Variants in MTUS2 observed in about 807,000 individuals in gnomAD.
MTUS2 encodes microtubule-associated tumor suppressor candidate 2.
Under a neutral mutation model 114.1 loss-of-function variants are expected in MTUS2, and 40 were observed. That is an observed-to-expected ratio of 0.35 (90% CI 0.27 to 0.46). The LOEUF is 0.46. Among genes scored for constraint, MTUS2 ranks in the 20% least tolerant of loss-of-function variants. The pLI is 1.00. For missense variants in MTUS2, 1,679 were observed against 1,705.4 expected (o/e 0.98, Z 0.27); for synonymous variants, 688 against 672.0 (o/e 1.02, Z -0.37).
chr13:28,878,275 ATGTG>A (rs10589848), intron 2 of MTUS2, among the ~76,000 whole-genome samples: 6,450 of 151,712 alleles, frequency 0.043, 459 homozygotes, highest in African/African-American at 0.15. Context: ...ATGTGTATAT[ATGTG>A]TGTGTATGTG....
chr13:29,251,523 G>T (rs768323807), intron 5 of MTUS2, among the ~76,000 whole-genome samples: 40 of 152,000 alleles, frequency 2.6e-4, no homozygotes. Flanking sequence ...CTACCTCGAC[G>T]TTCTCATCAT....
intron 8 of MTUS2, among the ~76,000 whole-genome samples, chr13:29,418,560 G>A (rs1875846877): frequency 6.6e-6 from 1 of 152,158 alleles, no homozygotes; most frequent in Non-Finnish European, 1.5e-5. Context: ...AGATTATTCA[G>A]ATTGCTGTTT....
At chr13:29,444,891 C>T (rs916393905) in intron 9 of MTUS2, among the ~76,000 whole-genome samples, 2 of 152,268 alleles carry the variant, frequency 1.3e-5, no homozygotes, top group Non-Finnish European at 2.9e-5. Context: ...TCACTCCCGC[C>T]TCCTTCCTTT....
In MTUS2 at chr13:29,114,055, C is replaced by T. The variant is rs1308595364; in HGVS notation, c.2644+13085C>T. Among the ~76,000 whole-genome samples the T allele has an allele frequency of 2.6e-5, 4 of 152,280 alleles. No individual in the cohort carries two copies. In the South Asian group the frequency reaches 8.3e-4, roughly 32 times the overall value. On this transcript the variant is annotated intron_variant, in intron 5 of 15. Transcript: ENST00000612955. Reference sequence around the variant, plus strand: ...CGGACTGTGTGAGATACCTGCTCCCCCTTCACCTTCTGCCATGATTGGAAG... The same window carrying T: ...CGGACTGTGTGAGATACCTGCTCCCTCTTCACCTTCTGCCATGATTGGAAG...
intron 8 of MTUS2, among the ~76,000 whole-genome samples, chr13:29,397,496 C>T (rs1479449725): frequency 2.6e-5 from 4 of 152,170 alleles, no homozygotes; most frequent in African/African-American, 7.2e-5. Flanking sequence ...TGTCTGGGAA[C>T]GTTTTGGAAA....
chr13:28,823,123 A>G lies in MTUS2; in HGVS notation c.-316+2512A>G, dbSNP rs540967638. Among the ~76,000 whole-genome samples the G allele has an allele frequency of 2.2e-4, 33 of 152,358 alleles. No individual in the cohort carries two copies. The South Asian group carries it at 6.0e-3, about 28-fold the overall frequency. Reference sequence around the variant, plus strand: ...TGCCAAGGGGAAAGGAAGGAAAACTATTGAAAGATGCTTCATTAATAAAAT... The same window carrying G: ...TGCCAAGGGGAAAGGAAGGAAAACTGTTGAAAGATGCTTCATTAATAAAAT... On this transcript the variant is annotated intron_variant, in intron 1 of 15. Coordinates refer to ENST00000612955, the MANE Select transcript of MTUS2 (RefSeq NM_001033602.4).
chr13:28,964,831 C>T (rs554811178), intron 2 of MTUS2, among the ~76,000 whole-genome samples: 3 of 151,246 alleles, frequency 2.0e-5, no homozygotes, highest in East Asian at 2.0e-4. Flanking sequence ...TGGCCTTTCT[C>T]GATTGCACAT....
chr13:29,263,921 C>T (rs1897570736), intron 5 of MTUS2, among the ~76,000 whole-genome samples: 1 of 152,158 alleles, frequency 6.6e-6, no homozygotes, highest in Non-Finnish European at 1.5e-5. Context: ...TCTCACATTG[C>T]AAAATATAAT....
intron 5 of MTUS2, among the ~76,000 whole-genome samples, chr13:29,112,457 A>C (rs9508281): frequency 0.47 from 71,904 of 151,934 alleles, 17,515 homozygotes; most frequent in Non-Finnish European, 0.52. Flanking sequence ...CTTTGAAGTG[A>C]GTTTAACAAA....
In MTUS2 at chr13:28,860,364, G is replaced by A. The variant is rs78519166; in HGVS notation, c.-243+20514G>A. Among the ~76,000 whole-genome samples, 1,296 of 152,284 alleles carry A rather than the reference G, an allele frequency of 8.5e-3. 19 individuals carry two copies. The highest frequency in any genetic ancestry group is 0.03 in the African/African-American group (1,237 of 41,544). ...TCCCCCTAAGAGGTTAGTATCTGAA[G>A]TGATGTGAGCAGAGAACCCCTGAGA... On this transcript the variant is annotated intron_variant, in intron 2 of 15. Transcript: ENST00000612955.
chr13:28,824,619 A>C (rs1483821093), intron 1 of MTUS2, among the ~76,000 whole-genome samples: 1 of 151,364 alleles, frequency 6.6e-6, no homozygotes. Context: ...CTCTCACTGC[A>C]GTTGTACTGG....
intron 5 of MTUS2, among the ~76,000 whole-genome samples, chr13:29,216,341 A>G (rs188785490): frequency 1.4e-4 from 22 of 152,284 alleles, no homozygotes; most frequent in Non-Finnish European, 1.5e-5. Flanking sequence ...GAGCAAGACC[A>G]CTTGGCTCCC....
intron 2 of MTUS2, among the ~76,000 whole-genome samples, chr13:28,925,908 T>A (rs553935756): frequency 9.8e-4 from 150 of 152,336 alleles, no homozygotes; most frequent in African/African-American, 3.4e-3. Flanking sequence ...GGAATTAGAA[T>A]ACACACTTAA....
chr13:29,246,895 TAA>T lies in MTUS2; in HGVS notation c.2645-34795_2645-34794del, dbSNP rs56102503. On this transcript the variant is annotated intron_variant, in intron 5 of 15. Coordinates refer to ENST00000612955, the MANE Select transcript of MTUS2 (RefSeq NM_001033602.4). ...ATACCACCATCTTTCTTCACATAAC[TAA>T]AAAAAAAAAAAAACAATTCAAAAAT... 4.4e-3 allele frequency among the ~76,000 whole-genome samples: 597 copies of T among 136,728 alleles called. 1 individual carries two copies. The highest frequency in any genetic ancestry group is 0.022 in the East Asian group (105 of 4,762). The allele number at this position is 136,728 out of a possible 152,430, so 89.7% of individuals were successfully genotyped here. A position where few individuals can be genotyped will look rare whatever the true frequency, so the allele number is the denominator to read the frequency against.
chr13:29,453,143 C>T (rs9508462), intron 9 of MTUS2, among the ~76,000 whole-genome samples: 2 of 152,104 alleles, frequency 1.3e-5, no homozygotes, highest in Non-Finnish European at 2.9e-5. Flanking sequence ...TTTGTAAGAT[C>T]TAAATTGGTG....
At chr13:29,342,735 C>G (rs953516329) in intron 7 of MTUS2, among the ~76,000 whole-genome samples, 1 of 152,068 alleles carries the variant, frequency 6.6e-6, no homozygotes, top group Non-Finnish European at 1.5e-5. Context: ...TTGACTTGTT[C>G]CAGTTCTCAG....
At chr13:29,112,545 T>A (rs17072796) in intron 5 of MTUS2, among the ~76,000 whole-genome samples, 44,559 of 151,978 alleles carry the variant, frequency 0.29, 6,790 homozygotes, top group East Asian at 0.57. Flanking sequence ...TTGAGAAGTT[T>A]GGTGAGGAAA....
chr13:29,401,728 C>T (rs1420878945), intron 8 of MTUS2, among the ~76,000 whole-genome samples: 1 of 152,218 alleles, frequency 6.6e-6, no homozygotes, highest in Admixed American at 6.5e-5. Flanking sequence ...TGTGCCAGAA[C>T]CCCATAGTTT....
intron 5 of MTUS2, among the ~76,000 whole-genome samples, chr13:29,211,385 C>T (rs377047456): frequency 5.5e-4 from 84 of 152,396 alleles, no homozygotes; most frequent in African/African-American, 1.8e-3. Context: ...AGAAAGCAAG[C>T]GGGACTTTCA....
Sources: gnomAD v4.1 joint callset for allele counts (sites outside exome capture counted in the v4.1 genomes callset) on GRCh38, gnomAD v4.1.1 for gene constraint, MANE v1.5 for transcripts, NCBI Gene and HGNC (gene_info 2026-07-23, HGNC 2026-07-21) for gene names.